The following TENM3 variants were observed in gnomAD, a reference collection of about 807,000 sequenced individuals.
TENM3 encodes teneurin-3.
A neutral mutation model predicts 255.1 loss-of-function variants in TENM3; 63 were observed. That is an observed-to-expected ratio of 0.25 (90% confidence interval 0.20 to 0.30). The LOEUF is 0.30. TENM3 is among the 10% of genes least tolerant of loss of function. The pLI is 1.00. For missense variants in TENM3, 2,929 were observed against 3,461.1 expected (o/e 0.85, Z 3.86); for synonymous variants, 1,306 against 1,322.3 (o/e 0.99, Z 0.27).
intron 13 of TENM3, among the ~76,000 whole-genome samples, chr4:182,715,828 T>A (rs1717994642): frequency 6.6e-6 from 1 of 152,158 alleles, no homozygotes; most frequent in Non-Finnish European, 1.5e-5. Context: ...AAATGTTACT[T>A]GTGTCTTATC....
the TENM3 span, among the ~76,000 whole-genome samples, chr4:181,664,314 A>G: frequency 3.3e-5 from 5 of 151,892 alleles, no homozygotes; most frequent in Non-Finnish European, 5.9e-5. Context: ...CACAAAAACT[A>G]TACAAATGAG....
rs1292581251 is a variant in TENM3, at chr4:182,679,792, T to C, written c.1453T>C (p.Tyr485His). Residue 485 changes from tyrosine to histidine, a missense_variant, in exon 8 of 28, where the codon TAC becomes CAC. Physicochemically the swap from Tyr to His is moderately conservative, Grantham distance 83. Coordinates refer to ENST00000511685, the MANE Select transcript of TENM3 (RefSeq NM_001080477.4). ...CCTTCATGAGGCCGGCTTTATCCAG[T>C]ACTTGGATTCTGGAATCTGGCATCT... ...VSLHEAGFIQ[Y>H]LDSGIWHLAF... is the part of the protein sequence containing the mutation. 3 of 1,613,832 alleles carry C rather than the reference T, an allele frequency of 1.9e-6. No homozygotes were observed. The African/African-American group carries it at 4.0e-5, about 22-fold the overall frequency.
At chr4:182,645,487 G>A (rs947343954) in intron 5 of TENM3, among the ~76,000 whole-genome samples, 1 of 152,136 alleles carries the variant, frequency 6.6e-6, no homozygotes, top group Non-Finnish European at 1.5e-5. Context: ...TTATGAAGTG[G>A]TAAAAACAAC....
the TENM3 span, among the ~76,000 whole-genome samples, chr4:181,903,126 C>T: frequency 2.0e-5 from 3 of 151,998 alleles, no homozygotes; most frequent in Admixed American, 2.0e-4. Flanking sequence ...ACTGGATGCC[C>T]CACCTAGTAC....
intron 26 of TENM3, among the ~76,000 whole-genome samples, chr4:182,795,429 C>A (rs1456653623): frequency 6.6e-6 from 1 of 152,112 alleles, no homozygotes; most frequent in East Asian, 1.9e-4. Context: ...TACATACACA[C>A]AAATTGTGTC....
the TENM3 span, among the ~76,000 whole-genome samples, chr4:181,771,742 G>A: frequency 6.6e-6 from 1 of 152,196 alleles, no homozygotes; most frequent in African/African-American, 2.4e-5. Flanking sequence ...TTGAGATTCT[G>A]CGTTTCTATC....
intron 1 of TENM3, among the ~76,000 whole-genome samples, chr4:182,246,573 T>C (rs568461553): frequency 7.9e-5 from 12 of 152,324 alleles, no homozygotes; most frequent in African/African-American, 2.9e-4. Context: ...TCTAAAATTC[T>C]GCAGCACGAT....
chr4:182,101,104 G>A, the TENM3 span, among the ~76,000 whole-genome samples: 763 of 11,658 alleles, frequency 0.065, 252 homozygotes, highest in Non-Finnish European at 0.1. Flanking sequence ...GGGAGGGAGG[G>A]AGGAAGGAAA....
rs1300989946 is a variant in TENM3, at chr4:182,773,594, T to G, written c.5015T>G (p.Val1672Gly). Reference protein sequence around the residue: ...DIESSSREEDVSITSNLSSID... With the variant: ...DIESSSREEDGSITSNLSSID... ...GAGTCATCTAGCCGAGAAGAAGATG[T>G]CAGCATCACTTCAAATCTGTCCTCG... The change falls in exon 23 of 28, where the codon GTC becomes GGC. Residue 1672 changes from valine to glycine, a missense_variant. By Grantham distance (109) the Val-to-Gly change is moderately radical. Around this residue, in one of 6 missense-constraint regions of TENM3, gnomAD observed 1,608 missense variants for 1,884.4 expected, o/e 0.85. Transcript: ENST00000511685. The G allele has an allele frequency of 6.2e-7, 1 of 1,613,842 alleles. No individual in the cohort carries two copies. Among genetic ancestry groups the G allele is most frequent in the Non-Finnish European group, 8.5e-7 (1 of 1,179,840 alleles).
At chr4:182,091,158 A>C in the TENM3 span, among the ~76,000 whole-genome samples, 1 of 152,236 alleles carries the variant, frequency 6.6e-6, no homozygotes, top group African/African-American at 2.4e-5. Flanking sequence ...ATAAAAAGAA[A>C]GGCAAGAGTC....
chr4:181,653,564 C>A, the TENM3 span, among the ~76,000 whole-genome samples: 123 of 152,188 alleles, frequency 8.1e-4, no homozygotes, highest in African/African-American at 2.9e-3. Context: ...CCACACCCGG[C>A]TAATTTTTGT....
chr4:181,624,695 T>C, the TENM3 span, among the ~76,000 whole-genome samples: 1 of 152,232 alleles, frequency 6.6e-6, no homozygotes, highest in South Asian at 2.1e-4. Flanking sequence ...AGCCATCTAT[T>C]GCTGCATAAT....
At chr4:181,452,692 C>T in the TENM3 span, among the ~76,000 whole-genome samples, 4 of 152,074 alleles carry the variant, frequency 2.6e-5, no homozygotes, top group African/African-American at 4.8e-5. Context: ...CAGACTAATA[C>T]AAAATGATAG....
At chr4:181,671,808 G>A in the TENM3 span, among the ~76,000 whole-genome samples, 1 of 151,712 alleles carries the variant, frequency 6.6e-6, no homozygotes, top group South Asian at 2.1e-4. Flanking sequence ...GGTAGCTCTG[G>A]TTCATACATT....
the TENM3 span, among the ~76,000 whole-genome samples, chr4:181,660,687 A>G: frequency 9.9e-5 from 15 of 152,254 alleles, no homozygotes; most frequent in African/African-American, 3.1e-4. Flanking sequence ...TGGCTTATCT[A>G]TTTTGTCACA....
Position 182,728,869 on chromosome 4 carries a change from A to T in TENM3, c.2369-96A>T, listed in dbSNP as rs1760444392. 7.5e-6 allele frequency: 6 copies of T among 803,822 alleles called. 1 individual carries two copies. Among genetic ancestry groups the T allele is most frequent in the Non-Finnish European group, 7.3e-6 (4 of 547,452 alleles). The allele number at this position is 803,822 out of a possible 1,614,324, so 49.8% of individuals were successfully genotyped here. A position where few individuals can be genotyped will look rare whatever the true frequency, so the allele number is the denominator to read the frequency against. ...TCAGATAGTCGGGAGAAATCACTTG[A>T]TGTGAAAAAAAAAAAAACAGTCAAG... On this transcript the variant is annotated intron_variant, in intron 13 of 27. Transcript: ENST00000511685.
chr4:182,389,649 G>A (rs2150971937), intron 3 of TENM3, among the ~76,000 whole-genome samples: 1 of 151,624 alleles, frequency 6.6e-6, no homozygotes, highest in Non-Finnish European at 1.5e-5. Context: ...TTCTGTGTAG[G>A]CACAAGACTG....
chr4:182,280,853 G>T (rs79403721), intron 1 of TENM3, among the ~76,000 whole-genome samples: 1 of 152,186 alleles, frequency 6.6e-6, no homozygotes. Context: ...TGAGAGTGAA[G>T]GTTTTGCCTC....
chr4:181,605,580 GAAAGGAAA>G, the TENM3 span, among the ~76,000 whole-genome samples: 109 of 31,346 alleles, frequency 3.5e-3, 7 homozygotes, highest in South Asian at 0.019. Flanking sequence ...GAGAGAGAAA[GAAAGGAAA>G]GAAAGAAAGA....
Sources: gnomAD v4.1 joint callset for allele counts (sites outside exome capture counted in the v4.1 genomes callset) on GRCh38, gnomAD v4.1.1 for gene constraint, gnomAD v4.1.1 regional missense constraint, MANE v1.5 for transcripts, NCBI Gene and HGNC (gene_info 2026-07-23, HGNC 2026-07-21) for gene names.